The following EYS variants were observed in gnomAD, a reference collection of about 807,000 sequenced individuals.
The protein encoded by EYS is protein eyes shut homolog.
Under a neutral mutation model 282.1 loss-of-function variants are expected in EYS, and 250 were observed. That is an observed-to-expected ratio of 0.89 (90% CI 0.80 to 0.98). The LOEUF (loss-of-function observed/expected upper bound fraction) is 0.98, where lower values mean the gene tolerates loss of function less well. Ranked by LOEUF, EYS falls within the 50% of genes least tolerant of loss-of-function variation. EYS has a pLI of 0.00. For missense variants in EYS, 4,016 were observed against 3,709.0 expected (o/e 1.08, Z -2.15); for synonymous variants, 1,355 against 1,282.9 (o/e 1.06, Z -1.20).
intron 19 of EYS, among the ~76,000 whole-genome samples, chr6:64,870,969 A>G (rs765406646): frequency 5.3e-5 from 8 of 151,892 alleles, no homozygotes; most frequent in Non-Finnish European, 1.2e-4. Context: ...ACCAACATAC[A>G]CACTGTGGAA....
At chr6:64,468,951 C>G (rs967918114) in intron 26 of EYS, among the ~76,000 whole-genome samples, 1 of 152,130 alleles carries the variant, frequency 6.6e-6, no homozygotes, top group African/African-American at 2.4e-5. Flanking sequence ...GTGACTAGTG[C>G]TGCAGTGAAC....
chr6:65,454,779 T>C (rs904378597), intron 5 of EYS, among the ~76,000 whole-genome samples: 8 of 152,136 alleles, frequency 5.3e-5, no homozygotes, highest in African/African-American at 1.7e-4. Context: ...CCTCAATGTG[T>C]GTTCTTCTTA....
intron 22 of EYS, among the ~76,000 whole-genome samples, chr6:64,766,649 A>AAATATATATAT (rs1387919586): frequency 5.2e-5 from 1 of 19,068 alleles, no homozygotes; most frequent in Non-Finnish European, 1.0e-4. Flanking sequence ...AAAAAAAAAA[A>AAATATATATAT]ATATATATAT....
chr6:65,158,600 A>C (rs2150219969), intron 12 of EYS, among the ~76,000 whole-genome samples: 1 of 151,004 alleles, frequency 6.6e-6, no homozygotes, highest in Non-Finnish European at 1.5e-5. Context: ...TAGTTGACTA[A>C]ACTTGTCTTA....
At chr6:64,535,744 T>G (rs1764498471) in intron 26 of EYS, among the ~76,000 whole-genome samples, 1 of 145,394 alleles carries the variant, frequency 6.9e-6, no homozygotes. Context: ...TGTCTCAAAA[T>G]AAAAAAAAAA....
intron 36 of EYS, among the ~76,000 whole-genome samples, chr6:63,843,602 C>A (rs944357533): frequency 6.6e-6 from 1 of 152,086 alleles, no homozygotes; most frequent in Admixed American, 6.6e-5. Flanking sequence ...GAACGTATCT[C>A]AAAATAATAA....
intron 8 of EYS, among the ~76,000 whole-genome samples, chr6:65,354,346 A>C (rs1322203278): frequency 6.6e-6 from 1 of 152,054 alleles, no homozygotes; most frequent in Non-Finnish European, 1.5e-5. Context: ...TGAATTTGGC[A>C]GAGAAAAACA....
At chr6:64,128,788 T>C (rs760712692) in intron 31 of EYS, among the ~76,000 whole-genome samples, 3 of 152,142 alleles carry the variant, frequency 2.0e-5, no homozygotes, top group African/African-American at 7.2e-5. Flanking sequence ...ATAATCATTA[T>C]GCTAATGCTT....
At chr6:65,023,440 T>C (rs1276831454) in intron 13 of EYS, among the ~76,000 whole-genome samples, 1 of 152,082 alleles carries the variant, frequency 6.6e-6, no homozygotes. Flanking sequence ...GGGAGAAAAA[T>C]TGTTGAAATT....
intron 30 of EYS, among the ~76,000 whole-genome samples, chr6:64,300,011 C>T (rs1769178124): frequency 6.6e-6 from 1 of 152,138 alleles, no homozygotes; most frequent in Non-Finnish European, 1.5e-5. Context: ...CCTGAGTCCC[C>T]TCCTCTAATA....
At chr6:64,896,807 C>T (rs1767487485) in intron 18 of EYS, among the ~76,000 whole-genome samples, 3 of 152,142 alleles carry the variant, frequency 2.0e-5, no homozygotes, top group South Asian at 2.1e-4. Context: ...AGGGAGTTTT[C>T]CCCTCACAGT....
At chr6:64,697,681 T>G (rs1038917166) in intron 22 of EYS, among the ~76,000 whole-genome samples, 13 of 152,140 alleles carry the variant, frequency 8.5e-5, no homozygotes, top group African/African-American at 3.1e-4. Flanking sequence ...CGGTGGCTCA[T>G]GCCTGTAATC....
chr6:64,795,253 G>A (rs563259841), intron 22 of EYS, among the ~76,000 whole-genome samples: 2 of 150,956 alleles, frequency 1.3e-5, no homozygotes, highest in South Asian at 4.2e-4. Context: ...AAAAAAAGAA[G>A]TAGACATTGC....
intron 35 of EYS, among the ~76,000 whole-genome samples, chr6:63,964,565 A>G (rs552039491): frequency 6.6e-6 from 1 of 152,274 alleles, no homozygotes; most frequent in East Asian, 1.9e-4. Flanking sequence ...TTTCTTACAG[A>G]TGGAATCCAC....
intron 12 of EYS, among the ~76,000 whole-genome samples, chr6:65,187,608 T>C (rs1218923670): frequency 6.6e-6 from 1 of 151,732 alleles, no homozygotes; most frequent in Non-Finnish European, 1.5e-5. Flanking sequence ...ATGTATTTTA[T>C]ATAGTGTTGT....
chr6:64,895,080 G>A (rs1307341713), intron 18 of EYS, among the ~76,000 whole-genome samples: 1 of 152,054 alleles, frequency 6.6e-6, no homozygotes, highest in Non-Finnish European at 1.5e-5. Context: ...CCCTTGAAAG[G>A]ACTGAAAGTT....
chr6:63,923,825 G>A (rs925420616), intron 35 of EYS, among the ~76,000 whole-genome samples: 6 of 152,062 alleles, frequency 3.9e-5, no homozygotes, highest in Admixed American at 1.3e-4. Context: ...GAGAACATGC[G>A]GTATTTGGCT....
At chr6:64,967,468 C>T (rs769194314) in intron 14 of EYS, among the ~76,000 whole-genome samples, 2 of 151,946 alleles carry the variant, frequency 1.3e-5, no homozygotes, top group African/African-American at 4.8e-5. Context: ...GGAATTAGAG[C>T]AACCACACCT....
intron 33 of EYS, among the ~76,000 whole-genome samples, chr6:64,003,115 T>C (rs1187946026): frequency 6.6e-6 from 1 of 152,150 alleles, no homozygotes; most frequent in Non-Finnish European, 1.5e-5. Context: ...CACAATGGAG[T>C]ACTGTTCAGC....
Sources: allele counts gnomAD v4.1 joint callset (sites outside exome capture counted in the v4.1 genomes callset), GRCh38; gene constraint gnomAD v4.1.1; transcripts MANE v1.5; gene names NCBI Gene and HGNC (gene_info 2026-07-23, HGNC 2026-07-21).